RPS6KA2: variants seen among roughly 807,000 people sequenced by gnomAD.
RPS6KA2 encodes ribosomal protein S6 kinase A2.
In RPS6KA2, 42 loss-of-function variants were observed where a neutral mutation model predicts 91.8. The observed-to-expected ratio is 0.46, with a 90% confidence interval of 0.36 to 0.59. RPS6KA2 has a LOEUF of 0.59. Among genes scored for constraint, RPS6KA2 ranks in the 20% least tolerant of loss-of-function variants. The probability of loss-of-function intolerance (pLI) is 0.00; values close to 1 mark genes in which losing one functional copy is unlikely to be tolerated. For synonymous variants in RPS6KA2, 414 were observed against 393.6 expected, an observed-to-expected ratio of 1.05 and a Z score of -0.61; for missense variants, 798 against 978.5, an observed-to-expected ratio of 0.82 and a Z score of 2.46.
intron 2 of RPS6KA2, among the ~76,000 whole-genome samples, chr6:166,649,080 C>G (rs903874670): frequency 6.6e-6 from 1 of 152,204 alleles, no homozygotes; most frequent in African/African-American, 2.4e-5. Context: ...TCAATAAATT[C>G]AAGCTGCTAT....
At chr6:166,585,229 C>T (rs1785131007) in intron 1 of RPS6KA2, among the ~76,000 whole-genome samples, 1 of 152,172 alleles carries the variant, frequency 6.6e-6, no homozygotes, top group Non-Finnish European at 1.5e-5. Context: ...TGACTCGGGG[C>T]TGGGAAACGA....
intron 1 of RPS6KA2, among the ~76,000 whole-genome samples, chr6:166,571,843 T>C (rs1784698037): frequency 6.6e-6 from 1 of 152,150 alleles, no homozygotes; most frequent in Non-Finnish European, 1.5e-5. Context: ...AATCATAATC[T>C]TGAAACAACT....
chr6:166,500,996 A>C lies in RPS6KA2; in HGVS notation c.567-72T>G. The C allele has an allele frequency of 2.1e-6, 3 of 1,448,184 alleles. No homozygotes were observed. The highest frequency in any genetic ancestry group is 2.9e-6 in the Non-Finnish European group (3 of 1,035,796). The allele number at this position is 1,448,184 out of a possible 1,614,324, so 89.7% of individuals were successfully genotyped here. A position where few individuals can be genotyped will look rare whatever the true frequency, so the allele number is the denominator to read the frequency against. Reference sequence around the variant, plus strand: ...CTGCCGACGGGCACGCAGAGCTCAGAGGAGAGCTGCGGGGCAGCTGGGGGC... The same window carrying C: ...CTGCCGACGGGCACGCAGAGCTCAGCGGAGAGCTGCGGGGCAGCTGGGGGC... On this transcript the variant is annotated intron_variant, in intron 6 of 20. Transcript: ENST00000265678. This position sits in a 1 kb window ranked among gnomAD's most constrained non-coding sequence, Gnocchi z 4.3.
chr6:166,667,714 C>T (rs1400822668), intron 2 of RPS6KA2, among the ~76,000 whole-genome samples: 2 of 152,168 alleles, frequency 1.3e-5, no homozygotes, highest in Non-Finnish European at 2.9e-5. Flanking sequence ...AGAAGGTAAC[C>T]GGGATAAACT....
intron 2 of RPS6KA2, among the ~76,000 whole-genome samples, chr6:166,676,207 C>A (rs1788615053): frequency 6.6e-6 from 1 of 151,966 alleles, no homozygotes; most frequent in Admixed American, 6.6e-5. Context: ...ATCCCAGCTA[C>A]TCAGGAGGCT....
chr6:166,491,031 G>A lies in RPS6KA2; in HGVS notation c.748-290C>T, dbSNP rs184412196. Among the ~76,000 whole-genome samples the A allele has an allele frequency of 1.6e-3, 237 of 152,326 alleles. 1 individual carries two copies. The highest frequency in any genetic ancestry group is 5.5e-3 in the African/African-American group (230 of 41,562). ...CGACAGAGAAAAGAGGCAGAGCAGGGTCCTGTGGTCAGGCAGTTTGGACGA... is the reference window on the plus strand; with the variant it reads ...CGACAGAGAAAAGAGGCAGAGCAGGATCCTGTGGTCAGGCAGTTTGGACGA... On this transcript the variant is annotated intron_variant, in intron 8 of 20. Coordinates refer to ENST00000265678, the MANE Select transcript of RPS6KA2 (RefSeq NM_021135.6).
intron 1 of RPS6KA2, among the ~76,000 whole-genome samples, chr6:166,593,135 T>C (rs1346499635): frequency 6.6e-6 from 1 of 152,178 alleles, no homozygotes; most frequent in Admixed American, 6.5e-5. Flanking sequence ...GAAGGCGGCA[T>C]GAAGTCAAAG....
chr6:166,518,862 G>C (rs1052394356), intron 3 of RPS6KA2, among the ~76,000 whole-genome samples: 2 of 152,250 alleles, frequency 1.3e-5, no homozygotes, highest in African/African-American at 4.8e-5. Flanking sequence ...ACTGGAAATG[G>C]CTCTTCAAGA....
intron 1 of RPS6KA2, among the ~76,000 whole-genome samples, chr6:166,575,465 G>A (rs1387897775): frequency 3.9e-5 from 6 of 152,162 alleles, no homozygotes; most frequent in Admixed American, 1.3e-4. Context: ...TGTTTATCGT[G>A]TGAGGCTTTC....
At chr6:166,675,658 TAA>T (rs1788600392) in intron 2 of RPS6KA2, among the ~76,000 whole-genome samples, 1 of 152,264 alleles carries the variant, frequency 6.6e-6, no homozygotes, top group South Asian at 2.1e-4. Context: ...GAAGATCTAG[TAA>T]AGTTTCCTCT....
intron 1 of RPS6KA2, chr6:166,858,311 G>C (rs757679259): frequency 9.6e-7 from 1 of 1,037,672 alleles, no homozygotes; most frequent in Admixed American, 2.0e-5. Flanking sequence ...TGTGTTTGTA[G>C]GTGGCCTCAT....
intron 6 of RPS6KA2, among the ~76,000 whole-genome samples, chr6:166,502,465 CT>C (rs1411117737): frequency 1.3e-5 from 2 of 152,208 alleles, no homozygotes; most frequent in African/African-American, 4.8e-5. Flanking sequence ...TTAAATAAGG[CT>C]ATTTTTAGCT....
intron 1 of RPS6KA2, among the ~76,000 whole-genome samples, chr6:166,540,474 C>T (rs899040622): frequency 6.6e-6 from 1 of 152,022 alleles, no homozygotes; most frequent in Non-Finnish European, 1.5e-5. Context: ...TTTGGGAAAA[C>T]AATGAGTATA....
intron 2 of RPS6KA2, among the ~76,000 whole-genome samples, chr6:166,745,906 GC>G (rs1402485173): frequency 6.6e-6 from 1 of 152,180 alleles, no homozygotes; most frequent in Non-Finnish European, 1.5e-5. Flanking sequence ...TTGGAAAAGA[GC>G]TGTCAGGCCC....
intron 2 of RPS6KA2, among the ~76,000 whole-genome samples, chr6:166,797,073 C>T (rs1011557456): frequency 6.6e-6 from 1 of 152,232 alleles, no homozygotes; most frequent in Non-Finnish European, 1.5e-5. Flanking sequence ...ACTGGCTTGT[C>T]GGTCTGAGCA....
intron 10 of RPS6KA2, among the ~76,000 whole-genome samples, chr6:166,470,310 T>C (rs916741999): frequency 1.3e-5 from 2 of 152,190 alleles, no homozygotes; most frequent in Admixed American, 6.5e-5. Flanking sequence ...GCAGAGTTCC[T>C]GGCAAAGCTG....
intron 2 of RPS6KA2, among the ~76,000 whole-genome samples, chr6:166,824,608 T>C (rs1226996786): frequency 1.3e-5 from 2 of 149,028 alleles, no homozygotes; most frequent in Non-Finnish European, 3.0e-5. Flanking sequence ...ATGTCTAATA[T>C]GTGTGTGTCT....
At chr6:166,676,151 T>C (rs959744589) in intron 2 of RPS6KA2, among the ~76,000 whole-genome samples, 40 of 152,028 alleles carry the variant, frequency 2.6e-4, no homozygotes, top group African/African-American at 9.2e-4. Context: ...ACCTTGTCTC[T>C]ACCAAAAACA....
chr6:166,721,949 T>G (rs1790188889), intron 2 of RPS6KA2, among the ~76,000 whole-genome samples: 1 of 152,220 alleles, frequency 6.6e-6, no homozygotes, highest in Non-Finnish European at 1.5e-5. Flanking sequence ...CCACCATTTG[T>G]GCAAAATGTT....
Sources: gnomAD v4.1 joint callset for allele counts (sites outside exome capture counted in the v4.1 genomes callset) on GRCh38, gnomAD v4.1.1 for gene constraint, Gnocchi (gnomAD v3.1) non-coding constraint, MANE v1.5 for transcripts, NCBI Gene and HGNC (gene_info 2026-07-23, HGNC 2026-07-21) for gene names.